MALRD1: variants seen among roughly 807,000 people sequenced by gnomAD.
The protein encoded by MALRD1 is MAM and LDL receptor class A domain containing 1, also known as MAM and LDL-receptor class A domain-containing protein 1.
A neutral mutation model predicts 242.1 loss-of-function variants in MALRD1; 247 were observed. The observed-to-expected ratio is 1.02, with a 90% CI of 0.92 to 1.13. The LOEUF is 1.13. MALRD1 is among the 50% of genes most tolerant of loss of function. The pLI, the probability that MALRD1 is intolerant of heterozygous loss-of-function variation, is 0.00. For missense variants in MALRD1, 2,989 were observed against 2,533.1 expected (o/e 1.18, Z -3.86); for synonymous variants, 995 against 866.6 (o/e 1.15, Z -2.60).
intron 21 of MALRD1, among the ~76,000 whole-genome samples, chr10:19,308,231 T>C (rs1053340403): frequency 1.3e-5 from 2 of 151,444 alleles, no homozygotes; most frequent in African/African-American, 4.8e-5. Flanking sequence ...TCTGCATGTC[T>C]GTGTGTTCAA....
chr10:19,140,526 G>GGTGTGT (rs778477235), intron 10 of MALRD1, among the ~76,000 whole-genome samples: 3 of 111,504 alleles, frequency 2.7e-5, no homozygotes, highest in African/African-American at 6.4e-5. Flanking sequence ...AAACAAGTGG[G>GGTGTGT]GTGTGTGTGT....
chr10:19,400,912 A>G (rs1476524309), intron 28 of MALRD1, among the ~76,000 whole-genome samples: 1 of 152,124 alleles, frequency 6.6e-6, no homozygotes, highest in Non-Finnish European at 1.5e-5. Context: ...ATTACTCGGG[A>G]GGCTGAGGCA....
rs199830595 is a variant in MALRD1, at chr10:19,633,836, C to CTTTTTTTTTT, written c.6137+17916_6137+17917insTTTTTTTTTT. 9.2e-5 allele frequency: 13 copies of CTTTTTTTTTT among 141,122 alleles called. 1 individual carries two copies. Among genetic ancestry groups the CTTTTTTTTTT allele is most frequent in the African/African-American group, 3.4e-4 (12 of 35,658 alleles). The allele number at this position is 141,122 out of a possible 1,614,324, so 8.7% of individuals were successfully genotyped here. ...GCCACAGTTTCTTTCTTTTTCTTTTCTTTCTTTTTTTTTTTTTTTTTTGAC... is the reference window on the plus strand; with the variant it reads ...GCCACAGTTTCTTTCTTTTTCTTTTCTTTTTTTTTTTTTCTTTTTTTTTTTTTTTTTTGAC... On this transcript the variant is annotated intron_variant, in intron 36 of 39. Transcript: ENST00000454679.
At chr10:19,564,238 G>T (rs1172695160) in intron 32 of MALRD1, among the ~76,000 whole-genome samples, 1 of 152,164 alleles carries the variant, frequency 6.6e-6, no homozygotes, top group African/African-American at 2.4e-5. Context: ...CTTCAAAGGA[G>T]TCTTCATTAA....
At chr10:19,477,222 C>A (rs1297150532) in intron 29 of MALRD1, among the ~76,000 whole-genome samples, 1 of 152,016 alleles carries the variant, frequency 6.6e-6, no homozygotes, top group Non-Finnish European at 1.5e-5. Context: ...TTTTATATGA[C>A]TTGTTATAGA....
intron 1 of MALRD1, among the ~76,000 whole-genome samples, chr10:19,064,978 G>C (rs1050559724): frequency 6.8e-6 from 1 of 146,998 alleles, no homozygotes; most frequent in Admixed American, 6.8e-5. Flanking sequence ...AAATTGAGGG[G>C]CAGACTATTT....
intron 28 of MALRD1, among the ~76,000 whole-genome samples, chr10:19,414,069 C>G (rs1833402905): frequency 6.6e-6 from 1 of 151,400 alleles, no homozygotes; most frequent in Non-Finnish European, 1.5e-5. Context: ...GTTCAATTTC[C>G]TCTTAAATGT....
At chr10:19,616,932 C>A (rs1839183372) in intron 36 of MALRD1, among the ~76,000 whole-genome samples, 1 of 151,918 alleles carries the variant, frequency 6.6e-6, no homozygotes, top group Non-Finnish European at 1.5e-5. Context: ...ATTATACTTT[C>A]CCCATATCAG....
At chr10:19,187,541 T>C (rs747436391) in intron 14 of MALRD1, among the ~76,000 whole-genome samples, 16 of 152,102 alleles carry the variant, frequency 1.1e-4, no homozygotes, top group Non-Finnish European at 2.4e-4. Flanking sequence ...GGGACCAATG[T>C]GGCTGGAAGA....
intron 10 of MALRD1, among the ~76,000 whole-genome samples, chr10:19,138,513 C>T (rs150951516): frequency 2.0e-5 from 3 of 151,744 alleles, no homozygotes; most frequent in Non-Finnish European, 2.9e-5. Context: ...CTCCACTTCC[C>T]GGGTTCAAGT....
intron 32 of MALRD1, among the ~76,000 whole-genome samples, chr10:19,565,812 T>C (rs573351107): frequency 1.3e-5 from 2 of 152,262 alleles, no homozygotes; most frequent in South Asian, 4.1e-4. Flanking sequence ...CTTGAGAAGC[T>C]TCTTTTCCAA....
At chr10:19,391,954 G>A (rs927986351) in intron 28 of MALRD1, among the ~76,000 whole-genome samples, 1 of 152,198 alleles carries the variant, frequency 6.6e-6, no homozygotes, top group African/African-American at 2.4e-5. Context: ...CTTGCGAAGG[G>A]ATGGCCATTG....
At chr10:19,650,145 T>C (rs548942512) in intron 36 of MALRD1, among the ~76,000 whole-genome samples, 1 of 152,174 alleles carries the variant, frequency 6.6e-6, no homozygotes, top group Non-Finnish European at 1.5e-5. Context: ...GGACTGAAAA[T>C]TTTCCTGAGT....
chr10:19,157,158 T>C (rs1435415722), intron 12 of MALRD1, among the ~76,000 whole-genome samples: 2 of 152,180 alleles, frequency 1.3e-5, no homozygotes, highest in African/African-American at 4.8e-5. Flanking sequence ...AGGAGAATGT[T>C]ATTGATAGTC....
At chr10:19,423,543 ACT>A (rs1833792105) in intron 28 of MALRD1, among the ~76,000 whole-genome samples, 1 of 151,870 alleles carries the variant, frequency 6.6e-6, no homozygotes, top group Admixed American at 6.6e-5. Flanking sequence ...GCCGTGAGTC[ACT>A]CTGTCTGCAA....
intron 14 of MALRD1, among the ~76,000 whole-genome samples, chr10:19,202,699 C>G (rs956277540): frequency 6.6e-6 from 1 of 152,074 alleles, no homozygotes. Context: ...GTGTAATCAT[C>G]ATCAGTGAAA....
At chr10:19,408,771 C>G (rs181721171) in intron 28 of MALRD1, among the ~76,000 whole-genome samples, 1 of 151,996 alleles carries the variant, frequency 6.6e-6, no homozygotes, top group Non-Finnish European at 1.5e-5. Context: ...ATGATAATAA[C>G]GTCAATACCA....
chr10:19,341,869 G>A (rs992070555), intron 24 of MALRD1, among the ~76,000 whole-genome samples: 5 of 151,840 alleles, frequency 3.3e-5, no homozygotes, highest in African/African-American at 1.2e-4. Flanking sequence ...GTGTCGTTTG[G>A]GTTCTATAAA....
At chr10:19,655,594 C>T (rs1325984678) in intron 36 of MALRD1, among the ~76,000 whole-genome samples, 3 of 134,758 alleles carry the variant, frequency 2.2e-5, no homozygotes, top group Non-Finnish European at 4.7e-5. Context: ...ATTCACAATT[C>T]TAATTATACA....
Sources: allele counts gnomAD v4.1 joint callset (sites outside exome capture counted in the v4.1 genomes callset), GRCh38; gene constraint gnomAD v4.1.1; transcripts MANE v1.5; gene names NCBI Gene and HGNC (gene_info 2026-07-23, HGNC 2026-07-21).